PREX1: variants seen among roughly 807,000 people sequenced by gnomAD.
The protein encoded by PREX1 is phosphatidylinositol-3,4,5-trisphosphate dependent Rac exchange factor 1, also known as phosphatidylinositol 3,4,5-trisphosphate-dependent Rac exchanger 1 protein.
A neutral mutation model predicts 198.3 loss-of-function variants in PREX1; 41 were observed. That is an observed-to-expected ratio of 0.21 (90% CI 0.16 to 0.27). PREX1 has a LOEUF of 0.27. PREX1 is among the 10% of genes least tolerant of loss of function. PREX1 has a pLI of 1.00. For synonymous variants in PREX1, 843 were observed against 887.2 expected (o/e 0.95, Z 0.89); for missense variants, 1,620 against 2,200.7 (o/e 0.74, Z 5.28).
At chr20:48,722,442 A>G (rs1313297044) in intron 5 of PREX1, among the ~76,000 whole-genome samples, 1 of 152,208 alleles carries the variant, frequency 6.6e-6, no homozygotes, top group Admixed American at 6.5e-5. Flanking sequence ...AGTGGTCGGC[A>G]GGGGCTGGAG....
chr20:48,641,899 G>A (rs1284052107), intron 29 of PREX1, among the ~76,000 whole-genome samples: 2 of 97,832 alleles, frequency 2.0e-5, no homozygotes, highest in African/African-American at 4.0e-5. Context: ...AGGAAGGAAG[G>A]AAGGAAGGAA....
intron 1 of PREX1, among the ~76,000 whole-genome samples, chr20:48,797,469 C>T (rs1290833810): frequency 4.6e-5 from 7 of 151,968 alleles, no homozygotes; most frequent in Non-Finnish European, 7.4e-5. Context: ...CTCTCACTTC[C>T]GCATTTAATT....
intron 1 of PREX1, among the ~76,000 whole-genome samples, chr20:48,761,354 T>C (rs958337379): frequency 4.6e-5 from 7 of 152,216 alleles, no homozygotes; most frequent in African/African-American, 1.4e-4. Flanking sequence ...GCAAGGATGT[T>C]TGTCTGTCTA....
At chr20:48,780,515 G>A (rs918012292) in intron 1 of PREX1, among the ~76,000 whole-genome samples, 1 of 152,082 alleles carries the variant, frequency 6.6e-6, no homozygotes, top group Non-Finnish European at 1.5e-5. Flanking sequence ...AAAAAATAGA[G>A]GAGGCATGTC....
chr20:48,640,242 C>T (rs1007332121), intron 29 of PREX1, among the ~76,000 whole-genome samples: 2 of 151,964 alleles, frequency 1.3e-5, no homozygotes, highest in African/African-American at 4.8e-5. Context: ...TCAGGAACTA[C>T]CTCCTCATAG....
Position 48,668,931 on chromosome 20 carries a change from TC to T in PREX1, c.1666-2577del, listed in dbSNP as rs1171914178. Among the ~76,000 whole-genome samples the T allele has an allele frequency of 2.6e-5, 4 of 151,956 alleles. No individual in the cohort carries two copies. The South Asian group carries it at 6.2e-4, about 24-fold the overall frequency. On this transcript the variant is annotated intron_variant, in intron 14 of 39. Coordinates refer to ENST00000371941, the MANE Select transcript of PREX1 (RefSeq NM_020820.4). The stretch of plus-strand genomic sequence containing the variant: ...ACCTGGCCTTCTGAGGCGCTCACAG[TC>T]CCAGCCTCCCCACAGGGTCTTGGAG...
chr20:48,830,953 C>T (rs1369873567), upstream of PREX1, among the ~76,000 whole-genome samples: 6 of 152,146 alleles, frequency 3.9e-5, no homozygotes, highest in African/African-American at 1.4e-4. Context: ...GAAAACTGGG[C>T]TATTGATAGC....
At chr20:48,760,711 C>G (rs900024468) in intron 1 of PREX1, among the ~76,000 whole-genome samples, 4 of 152,100 alleles carry the variant, frequency 2.6e-5, no homozygotes, top group South Asian at 2.1e-4. Flanking sequence ...AAGTCCTCTC[C>G]GAGTACCAAC....
chr20:48,788,999 A>G (rs2090325508), intron 1 of PREX1, among the ~76,000 whole-genome samples: 2 of 152,208 alleles, frequency 1.3e-5, no homozygotes, highest in Non-Finnish European at 2.9e-5. Flanking sequence ...CTCAGCTTCC[A>G]TAACTGTAAG....
intron 1 of PREX1, among the ~76,000 whole-genome samples, chr20:48,793,929 G>A (rs2090349222): frequency 6.6e-6 from 1 of 152,202 alleles, no homozygotes; most frequent in Non-Finnish European, 1.5e-5. Flanking sequence ...TGGCTCAGAT[G>A]TCAAAGCAAG....
intron 1 of PREX1, among the ~76,000 whole-genome samples, chr20:48,806,167 C>T (rs144288164): frequency 1.3e-5 from 2 of 152,326 alleles, no homozygotes; most frequent in African/African-American, 4.8e-5. Flanking sequence ...CCAGACATTG[C>T]CATATGTCCC....
At chr20:48,705,335 T>C (rs2089897945) in intron 6 of PREX1, among the ~76,000 whole-genome samples, 1 of 152,228 alleles carries the variant, frequency 6.6e-6, no homozygotes, top group Non-Finnish European at 1.5e-5. Context: ...CGACAAACAG[T>C]GGCTCACAAA....
chr20:48,659,102 G>A (rs1390063523), intron 16 of PREX1, among the ~76,000 whole-genome samples: 1 of 146,410 alleles, frequency 6.8e-6, no homozygotes, highest in Non-Finnish European at 1.5e-5. Flanking sequence ...GGTGGCGCAG[G>A]TCTGTTGTCC....
At chr20:48,675,390 T>C (rs1033341449) in intron 14 of PREX1, among the ~76,000 whole-genome samples, 5 of 152,234 alleles carry the variant, frequency 3.3e-5, no homozygotes, top group Non-Finnish European at 7.3e-5. Context: ...TATTTTGTTA[T>C]AGCAGCACAA....
At chr20:48,713,511 T>C (rs1232760496) in intron 5 of PREX1, among the ~76,000 whole-genome samples, 6 of 151,514 alleles carry the variant, frequency 4.0e-5, no homozygotes, top group Non-Finnish European at 8.8e-5. Flanking sequence ...GGAAAAGAAT[T>C]GTAGGCGGTG....
the PREX1 span, among the ~76,000 whole-genome samples, chr20:48,868,663 A>T: frequency 8.5e-5 from 13 of 152,150 alleles, no homozygotes; most frequent in Non-Finnish European, 1.5e-4. Context: ...AAGGTACAGA[A>T]AATGTCTCCC....
the PREX1 span, among the ~76,000 whole-genome samples, chr20:48,850,451 C>CT: frequency 6.6e-6 from 1 of 152,020 alleles, no homozygotes; most frequent in African/African-American, 2.4e-5. Context: ...CACCGGTGAC[C>CT]TTTGGGAGAA....
chr20:48,632,390 C>T lies in PREX1; in HGVS notation c.4413G>A (p.Val1471=). ...LRLHTALFTK[V]LENVEGLPSP... ...AAGGCAGCCCCTCCACGTTCTCCAG[C>T]ACTGGGAGGGGAGATGTCGGGGGCG... Residue 1471 remains valine, a splice_region_variant and synonymous_variant, in exon 35 of 40, where the codon GTG becomes GTA. Transcript: ENST00000371941. 1.2e-6 allele frequency: 2 copies of T among 1,613,770 alleles called. No individual in the cohort carries two copies. The highest frequency in any genetic ancestry group is 2.7e-5 in the African/African-American group (2 of 75,074).
rs184917278 is a variant in PREX1, at chr20:48,685,423, G to A, written c.1334+3234C>T. Among the ~76,000 whole-genome samples the A allele has an allele frequency of 5.4e-4, 83 of 152,318 alleles. 1 individual carries two copies. Among genetic ancestry groups the A allele is most frequent in the South Asian group, 2.1e-4 (1 of 4,822 alleles). On this transcript the variant is annotated intron_variant, in intron 10 of 39. Transcript: ENST00000371941. ...CATGCACAGCCAGTACGATTCCCAC[G>A]AGTCTCACCAGCACTGTGCTGCACA...
Sources: gnomAD v4.1 joint callset for allele counts (sites outside exome capture counted in the v4.1 genomes callset) on GRCh38, gnomAD v4.1.1 for gene constraint, MANE v1.5 for transcripts, NCBI Gene and HGNC (gene_info 2026-07-23, HGNC 2026-07-21) for gene names.